Variants in MICAL2 observed in about 807,000 individuals in gnomAD.
MICAL2 encodes the protein microtubule associated monooxygenase, calponin and LIM domain containing 2, also known as [F-actin]-monooxygenase MICAL2.
Under a neutral mutation model 127.3 loss-of-function variants are expected in MICAL2, and 77 were observed. The ratio of observed to expected loss-of-function variants is 0.60; its 90% CI spans 0.50 to 0.73. The LOEUF (loss-of-function observed/expected upper bound fraction) is 0.73. Among genes scored for constraint, MICAL2 ranks in the 30% least tolerant of loss-of-function variants. The pLI, the probability that MICAL2 is intolerant of heterozygous loss-of-function variation, is 0.00. For synonymous variants in MICAL2, 570 were observed against 551.1 expected (o/e 1.03, Z -0.48); for missense variants, 1,351 against 1,434.4 (o/e 0.94, Z 0.94).
intron 29 of MICAL2, among the ~76,000 whole-genome samples, chr11:12,307,013 G>C (rs2134815756): frequency 6.6e-6 from 1 of 152,280 alleles, no homozygotes; most frequent in East Asian, 1.9e-4. Context: ...AGTGCATGTT[G>C]AGTTTTATTT....
At chr11:12,269,042 GC>G (rs1565288770) in intron 24 of MICAL2, among the ~76,000 whole-genome samples, 1 of 152,102 alleles carries the variant, frequency 6.6e-6, no homozygotes, top group Admixed American at 6.5e-5. Context: ...ATTTGTAGGA[GC>G]CTAGAAATGC....
intron 26 of MICAL2, chr11:12,261,160 G>A (rs1469369970): frequency 2.0e-6 from 2 of 985,410 alleles, no homozygotes; most frequent in African/African-American, 1.7e-5. Context: ...AGCACATCAG[G>A]CTATTGCTGG....
intron 7 of MICAL2, among the ~76,000 whole-genome samples, chr11:12,213,872 C>T (rs1235770041): frequency 1.3e-5 from 2 of 152,174 alleles, no homozygotes; most frequent in South Asian, 2.1e-4. Context: ...TTGTGCAATA[C>T]AGCACTGCCC....
intron 2 of MICAL2, among the ~76,000 whole-genome samples, chr11:12,146,847 GT>G (rs1166145100): frequency 6.6e-6 from 1 of 152,198 alleles, no homozygotes; most frequent in Admixed American, 6.5e-5. Flanking sequence ...TTAAGAAAAT[GT>G]GGCAATATAC....
At chr11:12,191,332 T>C (rs1379402191) in intron 3 of MICAL2, among the ~76,000 whole-genome samples, 5 of 148,676 alleles carry the variant, frequency 3.4e-5, no homozygotes, top group Non-Finnish European at 7.4e-5. Flanking sequence ...ATTAGCTGGG[T>C]GTGGTGGCAT....
chr11:12,285,218 A>G (rs12282267), intron 2 of MICAL2, among the ~76,000 whole-genome samples: 10,507 of 152,154 alleles, frequency 0.069, 876 homozygotes, highest in African/African-American at 0.2. Flanking sequence ...CAGTTTATCA[A>G]TCTAGGTGGT....
rs780210943 is a variant in MICAL2, at chr11:12,221,675, G to A, written c.1238G>A (p.Arg413His). The change falls in exon 10 of 28, where the codon CGT becomes CAT. Residue 413 changes from arginine (R) to histidine (H), a missense_variant. Around this residue, in one of 2 missense-constraint regions of MICAL2, gnomAD observed 599 missense variants for 714.9 expected, o/e 0.84. Coordinates refer to ENST00000683283, the MANE Select transcript of MICAL2 (RefSeq NM_001282663.2). Reference sequence around the variant, plus strand: ...TGGCCCATGGGTACAGGCTGTGCCCGTGGCTTCCTGGCAGCCTTTGACACG... The same window carrying A: ...TGGCCCATGGGTACAGGCTGTGCCCATGGCTTCCTGGCAGCCTTTGACACG... Reference protein sequence around the residue: ...PFWPMGTGCARGFLAAFDTAW... With the variant: ...PFWPMGTGCAHGFLAAFDTAW... The A allele has an allele frequency of 6.8e-6, 11 of 1,613,568 alleles. No individual in the cohort carries two copies. The highest frequency in any genetic ancestry group is 1.3e-5 in the African/African-American group (1 of 74,894).
Position 12,166,075 on chromosome 11 carries a change from C to T in MICAL2, c.264+3656C>T, listed in dbSNP as rs138823169. 9.9e-5 allele frequency among the ~76,000 whole-genome samples: 15 copies of T among 152,202 alleles called. No homozygotes were observed. The East Asian group carries it at 1.5e-3, about 16-fold the overall frequency. ...TGTTACACCCGACTGAGTAGTGTTA[C>T]GGAGGAAAACGACCCAGAAGAACCT... On this transcript the variant is annotated intron_variant, in intron 3 of 27. Transcript: ENST00000683283.
intron 1 of MICAL2, among the ~76,000 whole-genome samples, chr11:12,121,218 G>A (rs1850480243): frequency 6.6e-6 from 1 of 152,178 alleles, no homozygotes; most frequent in African/African-American, 2.4e-5. Context: ...CCACCTCGCT[G>A]CGGGCTAAGC....
At chr11:12,270,294 T>C (rs1863660654) in intron 24 of MICAL2, among the ~76,000 whole-genome samples, 1 of 152,246 alleles carries the variant, frequency 6.6e-6, no homozygotes, top group Non-Finnish European at 1.5e-5. Flanking sequence ...CGCCCTTCTC[T>C]GGCTGGCTCT....
intron 23 of MICAL2, 46 bp from the exon 24 acceptor site, chr11:12,256,739 C>T: frequency 2.0e-6 from 3 of 1,514,690 alleles, no homozygotes; most frequent in Non-Finnish European, 2.7e-6. Flanking sequence ...CATTTGAAGG[C>T]TCGGGATAAG....
chr11:12,332,976 C>T (rs973242413), intron 32 of MICAL2, among the ~76,000 whole-genome samples: 7 of 152,124 alleles, frequency 4.6e-5, no homozygotes, highest in African/African-American at 1.2e-4. Context: ...ACCGACAGTC[C>T]GCTTGCTGTA....
chr11:12,129,636 C>CCTT (rs1851243094), intron 1 of MICAL2, among the ~76,000 whole-genome samples: 1 of 97,466 alleles, frequency 1.0e-5, no homozygotes, highest in Non-Finnish European at 1.9e-5. Context: ...TCTTCTTCTT[C>CCTT]TTTTTTTTTT....
intron 2 of MICAL2, among the ~76,000 whole-genome samples, chr11:12,158,659 G>A (rs1399170105): frequency 1.3e-5 from 2 of 152,226 alleles, no homozygotes; most frequent in South Asian, 2.1e-4. Context: ...GAGAATGTGT[G>A]TAAGTTATAT....
chr11:12,282,502 T>C (rs1178498855), intron 2 of MICAL2, among the ~76,000 whole-genome samples: 1 of 152,224 alleles, frequency 6.6e-6, no homozygotes, highest in Non-Finnish European at 1.5e-5. Flanking sequence ...TGTACATTTA[T>C]AAATATGAAA....
chr11:12,241,258 G>T (rs755194200), intron 18 of MICAL2, 96 bp downstream of exon 18: 5 of 1,461,706 alleles, frequency 3.4e-6, no homozygotes, highest in Non-Finnish European at 3.7e-6. Context: ...CCCCAAGTAG[G>T]GCTGATTGTA....
chr11:12,229,802 A>G (rs1049578081), intron 15 of MICAL2, among the ~76,000 whole-genome samples: 6 of 152,204 alleles, frequency 3.9e-5, no homozygotes, highest in East Asian at 1.9e-4. Context: ...GCCCAGCCCA[A>G]TTCTGGCCCC....
chr11:12,125,561 TTTG>T (rs1217158841), intron 1 of MICAL2, among the ~76,000 whole-genome samples: 1 of 152,082 alleles, frequency 6.6e-6, no homozygotes, highest in East Asian at 1.9e-4. Context: ...GCATCTTTTT[TTTG>T]TTATGTAGAG....
intron 10 of MICAL2, among the ~76,000 whole-genome samples, chr11:12,222,323 A>G (rs1014352832): frequency 6.6e-6 from 1 of 152,128 alleles, no homozygotes; most frequent in Non-Finnish European, 1.5e-5. Flanking sequence ...GTGGCTGAAC[A>G]TGGTTATGGC....
Sources: gnomAD v4.1 joint callset for allele counts (sites outside exome capture counted in the v4.1 genomes callset) on GRCh38, gnomAD v4.1.1 for gene constraint, gnomAD v4.1.1 regional missense constraint, MANE v1.5 for transcripts, NCBI Gene and HGNC (gene_info 2026-07-23, HGNC 2026-07-21) for gene names.